The following CCNT2 variants were observed in gnomAD, a reference collection of about 807,000 sequenced individuals.
CCNT2 encodes the protein cyclin-T2.
Under a neutral mutation model 70.0 loss-of-function variants are expected in CCNT2, and 18 were observed. The observed-to-expected ratio is 0.26, with a 90% CI of 0.18 to 0.38. CCNT2 has a LOEUF of 0.38. CCNT2 is among the 10% of genes least tolerant of loss of function. CCNT2 has a pLI of 1.00. For synonymous variants in CCNT2, 334 were observed against 313.3 expected, an observed-to-expected ratio of 1.07 and a Z score of -0.70; for missense variants, 734 against 890.2, an observed-to-expected ratio of 0.82 and a Z score of 2.23.
chr2:134,945,953 A>AG, intron 5 of CCNT2, 148 bp from the exon 6 acceptor site: 1 of 1,553,886 alleles, frequency 6.4e-7, no homozygotes, highest in Non-Finnish European at 8.7e-7. Flanking sequence ...AGTATAGAAA[A>AG]TGATGGCGCT....
At chr2:134,943,317 C>A in intron 5 of CCNT2, 1 of 512,712 alleles carries the variant, frequency 2.0e-6, no homozygotes, top group Non-Finnish European at 2.5e-6. Context: ...GGGAGGATGG[C>A]TTGAGCCCAG....
chr2:134,942,820 T>A, intron 5 of CCNT2, 146 bp downstream of exon 5: 1 of 1,398,958 alleles, frequency 7.1e-7, no homozygotes, highest in Non-Finnish European at 9.3e-7. Context: ...TACTTTTTAG[T>A]GTTCTACATC....
chr2:134,945,261 G>A (rs1681865532), intron 5 of CCNT2: 1 of 985,422 alleles, frequency 1.0e-6, no homozygotes, highest in Non-Finnish European at 1.2e-6. Flanking sequence ...GAGGGGTGGA[G>A]TTGAGATAAA....
chr2:134,923,757 G>A (rs1011235833), intron 2 of CCNT2, among the ~76,000 whole-genome samples: 1 of 152,328 alleles, frequency 6.6e-6, no homozygotes, highest in East Asian at 1.9e-4. Context: ...GTTACCAAGT[G>A]ACTTGTCCGA....
At chr2:134,923,829 G>A (rs1680089420) in intron 2 of CCNT2, among the ~76,000 whole-genome samples, 1 of 152,182 alleles carries the variant, frequency 6.6e-6, no homozygotes, top group African/African-American at 2.4e-5. Flanking sequence ...CCAAACTGTA[G>A]TTCTCACTTT....
chr2:134,928,794 T>C (rs1680503370), intron 2 of CCNT2, among the ~76,000 whole-genome samples: 1 of 152,044 alleles, frequency 6.6e-6, no homozygotes. Context: ...TGAAACTTTA[T>C]ATAGTTCCAT....
chr2:134,929,658 T>A (rs1161399719), intron 2 of CCNT2, among the ~76,000 whole-genome samples: 1 of 101,126 alleles, frequency 9.9e-6, no homozygotes, highest in African/African-American at 3.8e-5. Context: ...GATGCCTTTT[T>A]TTTTTTTTTG....
intron 2 of CCNT2, among the ~76,000 whole-genome samples, chr2:134,922,557 A>G (rs1229775799): frequency 1.3e-5 from 2 of 152,130 alleles, no homozygotes; most frequent in Admixed American, 6.5e-5. Context: ...GCCTAATTAG[A>G]TAAATCTACA....
chr2:134,943,070 T>G, intron 5 of CCNT2: 1 of 985,420 alleles, frequency 1.0e-6, no homozygotes, highest in Non-Finnish European at 1.2e-6. Context: ...TGAAGAATTT[T>G]GAGGCCAACC....
chr2:134,945,344 A>C, intron 5 of CCNT2: 1 of 985,376 alleles, frequency 1.0e-6, no homozygotes, highest in East Asian at 1.1e-4. Flanking sequence ...GGAAACTATA[A>C]CAAGAGCATC....
chr2:134,928,274 C>CTTTTTT lies in CCNT2; in HGVS notation c.240+8397_240+8402dup, dbSNP rs551173090. 3.7e-3 allele frequency among the ~76,000 whole-genome samples: 355 copies of CTTTTTT among 96,364 alleles called. 24 individuals carry two copies. In the East Asian group the frequency reaches 0.05, roughly 14 times the overall value. 63.2% of individuals were successfully genotyped at this position (96,364 alleles called of 152,430 possible). ...CCATGCCCGGCCTCACATTGTATTT[C>CTTTTTT]TTTTTTTTTTTTTTTTTTTCTGAGA... On this transcript the variant is annotated intron_variant, in intron 2 of 8. Transcript: ENST00000264157.
chr2:134,955,354 T>C lies in CCNT2; in HGVS notation c.*706T>C, dbSNP rs1299619162. The stretch of plus-strand genomic sequence containing the variant: ...GTGTGCAGTGCAACAGATGGTCATA[T>C]ACACTGTGAGGCACTGAAATTTTGC... On this transcript the variant is annotated 3_prime_UTR_variant, in exon 9 of 9. Coordinates refer to ENST00000264157, the MANE Select transcript of CCNT2 (RefSeq NM_058241.3). 1 of 152,626 alleles carries C rather than the reference T, an allele frequency of 6.6e-6. No homozygotes were observed. The highest frequency in any genetic ancestry group is 1.5e-5 in the Non-Finnish European group (1 of 68,034). 9.5% of individuals were successfully genotyped at this position (152,626 alleles called of 1,614,324 possible). A position where few individuals can be genotyped will look rare whatever the true frequency, so the allele number is the denominator to read the frequency against.
chr2:134,919,301 T>C (rs1193323153), intron 1 of CCNT2, among the ~76,000 whole-genome samples: 1 of 152,002 alleles, frequency 6.6e-6, no homozygotes. Flanking sequence ...AAGAGGAATT[T>C]TAGGGATTAT....
In CCNT2 at chr2:134,918,866, C is replaced by A. The variant is rs370795827; in HGVS notation, c.12C>A (p.Gly4=). Residue 4 remains glycine (G), a synonymous_variant, in exon 1 of 9, where the codon GGC becomes GGA. Coordinates refer to ENST00000264157, the MANE Select transcript of CCNT2 (RefSeq NM_058241.3). ...GAGGAGGAAGTGTCATGGCGTCGGGCCGTGGAGCTTCTTCTCGCTGGTTCT... is the reference window on the plus strand; with the variant it reads ...GAGGAGGAAGTGTCATGGCGTCGGGACGTGGAGCTTCTTCTCGCTGGTTCT... MAS[G]RGASSRWFFT... The A allele has an allele frequency of 4.3e-6, 7 of 1,613,338 alleles. No homozygotes were observed. Among genetic ancestry groups the A allele is most frequent in the Non-Finnish European group, 5.1e-6 (6 of 1,179,574 alleles).
At chr2:134,940,234 A>G (rs1018251726) in intron 4 of CCNT2, among the ~76,000 whole-genome samples, 1 of 152,200 alleles carries the variant, frequency 6.6e-6, no homozygotes, top group African/African-American at 2.4e-5. Flanking sequence ...GTTGACCCTC[A>G]AACAGCACGG....
Position 134,954,487 on chromosome 2 carries a change from T to G in CCNT2, c.2032T>G (p.Tyr678Asp). ...PPPPVTYQVGYGHLSTLVKLD... is the reference protein window; with the variant it reads ...PPPPVTYQVGDGHLSTLVKLD... ...TCCCCCTGTCACATACCAGGTGGGC[T>G]ACGGACATCTCAGCACCCTCGTGAA... Residue 678 changes from tyrosine (Y) to aspartate (D), a missense_variant, in exon 9 of 9, where the codon TAC becomes GAC. By Grantham distance (160) the Tyr-to-Asp change is radical. Around this residue, in one of 3 missense-constraint regions of CCNT2, gnomAD observed 532 missense variants for 556.9 expected, o/e 0.96. Transcript: ENST00000264157. 1 of 1,614,172 alleles carries G rather than the reference T, an allele frequency of 6.2e-7. No homozygotes were observed. Among genetic ancestry groups the G allele is most frequent in the Non-Finnish European group, 8.5e-7 (1 of 1,180,022 alleles).
At chr2:134,938,863 C>T (rs188549691) in intron 3 of CCNT2, 139 bp from the exon 4 acceptor site, 1 of 561,426 alleles carries the variant, frequency 1.8e-6, no homozygotes, top group Admixed American at 3.1e-5. Context: ...CTCTGTCACC[C>T]TCAGTTTATT....
intron 8 of CCNT2, chr2:134,952,972 A>G: frequency 2.1e-6 from 1 of 484,124 alleles, no homozygotes; most frequent in Admixed American, 3.8e-5. Flanking sequence ...TGAAGCCTAG[A>G]CAAGTTAAAT....
chr2:134,919,927 T>G, intron 2 of CCNT2, 36 bp downstream of exon 2: 1 of 1,433,786 alleles, frequency 7.0e-7, no homozygotes, highest in South Asian at 1.2e-5. Flanking sequence ...TGTCCGCAAA[T>G]TTGAGGGTAA....
Sources: allele counts gnomAD v4.1 joint callset (sites outside exome capture counted in the v4.1 genomes callset), GRCh38; gene constraint gnomAD v4.1.1; regional missense constraint gnomAD v4.1.1; transcripts MANE v1.5; gene names NCBI Gene and HGNC (gene_info 2026-07-23, HGNC 2026-07-21).